Variants in EIF2AK4 observed in about 807,000 individuals in gnomAD.
The protein encoded by EIF2AK4 is eukaryotic translation initiation factor 2 alpha kinase 4, also known as eIF-2-alpha kinase GCN2.
EIF2AK4 carries 139 observed loss-of-function variants against 211.1 expected under a neutral mutation model. The ratio of observed to expected loss-of-function variants is 0.66; its 90% CI spans 0.57 to 0.76. The LOEUF is 0.76. EIF2AK4 is among the 30% of genes least tolerant of loss of function. The probability of loss-of-function intolerance (pLI) is 0.00; values close to 1 mark genes in which losing one functional copy is unlikely to be tolerated. For missense variants in EIF2AK4, 1,664 were observed against 2,043.8 expected, an observed-to-expected ratio of 0.81 and a Z score of 3.58; for synonymous variants, 710 against 751.3, an observed-to-expected ratio of 0.94 and a Z score of 0.90.
chr15:39,992,562 G>A (rs1007064724), intron 17 of EIF2AK4: 2 of 592,654 alleles, frequency 3.4e-6, no homozygotes, highest in Non-Finnish European at 6.0e-6. Flanking sequence ...CTCTTCAATA[G>A]CAAAGACATC....
chr15:40,014,212 G>A (rs901179366), intron 27 of EIF2AK4, among the ~76,000 whole-genome samples: 5 of 152,232 alleles, frequency 3.3e-5, no homozygotes, highest in African/African-American at 1.2e-4. Context: ...GCAGGGTACA[G>A]CCTCCCTCCT....
rs1051348497 is a variant in EIF2AK4 at position 39,978,120 on chromosome 15, A to G, written c.2292A>G (p.Glu764=). The change falls in exon 13 of 39, where the codon GAA becomes GAG. Residue 764 remains glutamate, a synonymous_variant. Transcript: ENST00000263791. ...AAAGTGATATTATCTTTGACAATGAAGATGAGAACAGTAAAAGTCAGAATC... is the reference window on the plus strand; with the variant it reads ...AAAGTGATATTATCTTTGACAATGAGGATGAGAACAGTAAAAGTCAGAATC... ...DSESDIIFDN[E]DENSKSQNQD... The G allele has an allele frequency of 4.8e-5, 76 of 1,590,164 alleles. No individual in the cohort carries two copies. Among genetic ancestry groups the G allele is most frequent in the Non-Finnish European group, 6.3e-5 (73 of 1,164,096 alleles).
At position 40,000,838 on chromosome 15, in the gene EIF2AK4, TAA is replaced by T; in HGVS notation, c.2923-149_2923-148del. On this transcript the variant is annotated intron_variant, in intron 20 of 38. Coordinates refer to ENST00000263791, the MANE Select transcript of EIF2AK4 (RefSeq NM_001013703.4). The stretch of plus-strand genomic sequence containing the variant: ...TGTGGTCATAATAAAGCAGAAAAAA[TAA>T]TGACCTATTCAGAAATTTCAGAATG... 40 of 370,958 alleles carry T rather than the reference TAA, an allele frequency of 1.1e-4. 10 individuals are homozygous for T. Among genetic ancestry groups the T allele is most frequent in the South Asian group, 3.2e-4 (8 of 24,738 alleles). 23.0% of individuals were successfully genotyped at this position (370,958 alleles called of 1,614,324 possible).
intron 3 of EIF2AK4, among the ~76,000 whole-genome samples, chr15:39,944,669 G>A (rs1313687037): frequency 2.0e-5 from 3 of 152,036 alleles, no homozygotes; most frequent in Non-Finnish European, 2.9e-5. Context: ...TCCTGACCTC[G>A]TGGTCCACCC....
rs398039435 is a variant in EIF2AK4 at position 39,995,440 on chromosome 15, C to CT, written c.2767-1523dup. ...CTCTACACCCTGCACCTCTGTGCCCCTGACCATGTGCAGTCTTTTCCTCGG... is the reference window on the plus strand; with the variant it reads ...CTCTACACCCTGCACCTCTGTGCCCCTTGACCATGTGCAGTCTTTTCCTCGG... On this transcript the variant is annotated intron_variant, in intron 18 of 38. Transcript: ENST00000263791. Among the ~76,000 whole-genome samples, 11 of 152,286 alleles carry CT rather than the reference C, an allele frequency of 7.2e-5. No homozygotes were observed. The South Asian group carries it at 1.9e-3, about 26-fold the overall frequency.
chr15:40,018,819 A>G (rs1054715311), intron 29 of EIF2AK4, among the ~76,000 whole-genome samples: 3 of 152,192 alleles, frequency 2.0e-5, no homozygotes, highest in Non-Finnish European at 4.4e-5. Flanking sequence ...AGCATGTGTC[A>G]ATTTGGATTA....
chr15:39,974,685 A>G (rs2034669942), intron 11 of EIF2AK4: 1 of 152,228 alleles, frequency 6.6e-6, no homozygotes, highest in South Asian at 2.1e-4. Flanking sequence ...TAAATTCTTG[A>G]ACGTAGAATA....
At chr15:39,964,923 G>T (rs1029965376) in intron 7 of EIF2AK4, among the ~76,000 whole-genome samples, 5 of 152,066 alleles carry the variant, frequency 3.3e-5, no homozygotes, top group African/African-American at 9.7e-5. Context: ...AGTCATTGAT[G>T]TATTCAGATT....
intron 13 of EIF2AK4, among the ~76,000 whole-genome samples, chr15:39,983,447 C>CTT (rs34672885): frequency 6.9e-6 from 1 of 145,752 alleles, no homozygotes; most frequent in Non-Finnish European, 1.5e-5. Flanking sequence ...GGATATTAGC[C>CTT]TTTTTTTTTT....
At chr15:40,000,851 A>T in intron 20 of EIF2AK4, 137 bp from the exon 21 acceptor site, 1 of 825,408 alleles carries the variant, frequency 1.2e-6, no homozygotes, top group Non-Finnish European at 2.0e-6. Context: ...TGACCTATTC[A>T]GAAATTTCAG....
intron 18 of EIF2AK4, among the ~76,000 whole-genome samples, chr15:39,996,268 C>T (rs1451191599): frequency 5.3e-5 from 8 of 152,208 alleles, no homozygotes; most frequent in Non-Finnish European, 1.2e-4. Context: ...GTCTGTGTTT[C>T]ACTTTTAAGA....
chr15:39,940,291 T>C (rs1381750842), intron 2 of EIF2AK4, among the ~76,000 whole-genome samples: 4 of 152,196 alleles, frequency 2.6e-5, no homozygotes, highest in Non-Finnish European at 5.9e-5. Context: ...AGCATGTCTA[T>C]TTGGTGTAAT....
chr15:39,975,307 G>T (rs896468649), intron 11 of EIF2AK4: 2 of 143,090 alleles, frequency 1.4e-5, no homozygotes, highest in Non-Finnish European at 3.1e-5. Flanking sequence ...GTGTGTTCTT[G>T]TCACTATTTC....
chr15:39,990,833 C>T (rs1405944125), intron 16 of EIF2AK4, among the ~76,000 whole-genome samples: 1 of 151,998 alleles, frequency 6.6e-6, no homozygotes, highest in Non-Finnish European at 1.5e-5. Flanking sequence ...GTTGGGAGTC[C>T]AACAGGTGGA....
Position 39,956,926 on chromosome 15 carries a change from A to T in EIF2AK4, c.743+1158A>T, listed in dbSNP as rs904792189. On this transcript the variant is annotated intron_variant, in intron 6 of 38. Transcript: ENST00000263791. ...TTCTTTCCCTAATTATCTACTACTA[A>T]AAAAACAGTTCAGAAATCATTTTGA... Among the ~76,000 whole-genome samples, 7 of 152,328 alleles carry T rather than the reference A, an allele frequency of 4.6e-5. No homozygotes were observed. The South Asian group carries it at 6.2e-4, about 14-fold the overall frequency.
intron 2 of EIF2AK4, among the ~76,000 whole-genome samples, chr15:39,941,369 T>C (rs1190382093): frequency 3.3e-5 from 5 of 152,020 alleles, no homozygotes; most frequent in Non-Finnish European, 5.9e-5. Flanking sequence ...CTAACTCCGG[T>C]ATGGTTGGAA....
At chr15:39,949,094 T>G in intron 3 of EIF2AK4, 22 bp from the exon 4 acceptor site, 1 of 1,604,276 alleles carries the variant, frequency 6.2e-7, no homozygotes, top group Non-Finnish European at 8.5e-7. Context: ...CATTTGTGGT[T>G]GATTTTTGTT....
chr15:39,960,442 C>T (rs143852047), intron 6 of EIF2AK4, among the ~76,000 whole-genome samples: 26 of 152,160 alleles, frequency 1.7e-4, no homozygotes, highest in Non-Finnish European at 3.1e-4. Flanking sequence ...AGGTTTCTCA[C>T]CTGTGAGACA....
chr15:40,030,539 A>G lies in EIF2AK4; in HGVS notation c.4659+83A>G, dbSNP rs907071121. ...ACAACAGGAAAGGAAAATAAGATAA[A>G]CATGGAATTTCTTGGAAATATTTTT... On this transcript the variant is annotated intron_variant, in intron 35 of 38. Coordinates refer to ENST00000263791, the MANE Select transcript of EIF2AK4 (RefSeq NM_001013703.4). 14 of 1,340,966 alleles carry G rather than the reference A, an allele frequency of 1.0e-5. No individual in the cohort carries two copies. The African/African-American group carries it at 1.5e-4, about 14-fold the overall frequency. 83.1% of individuals were successfully genotyped at this position (1,340,966 alleles called of 1,614,324 possible). A position where few individuals can be genotyped will look rare whatever the true frequency, so the allele number is the denominator to read the frequency against.
Sources: allele counts gnomAD v4.1 joint callset (sites outside exome capture counted in the v4.1 genomes callset), GRCh38; gene constraint gnomAD v4.1.1; transcripts MANE v1.5; gene names NCBI Gene and HGNC (gene_info 2026-07-23, HGNC 2026-07-21).